NOL4: variants seen among roughly 807,000 people sequenced by gnomAD.
NOL4 encodes the protein nucleolar protein 4.
A neutral mutation model predicts 75.9 loss-of-function variants in NOL4; 17 were observed. The observed-to-expected ratio is 0.22, with a 90% CI of 0.15 to 0.34. NOL4 has a LOEUF of 0.34. Ranked by LOEUF, NOL4 falls within the 10% of genes least tolerant of loss-of-function variation. The pLI is 1.00. For synonymous variants in NOL4, 292 were observed against 289.9 expected (o/e 1.01, Z -0.07); for missense variants, 614 against 793.5 (o/e 0.77, Z 2.72).
At chr18:33,857,843 T>A (rs2062907565) in intron 10 of NOL4, among the ~76,000 whole-genome samples, 1 of 152,128 alleles carries the variant, frequency 6.6e-6, no homozygotes, top group Non-Finnish European at 1.5e-5. Context: ...ACAAACTTTG[T>A]AAATATGTCC....
At chr18:33,910,227 T>C (rs987125556) in intron 9 of NOL4, among the ~76,000 whole-genome samples, 1 of 152,206 alleles carries the variant, frequency 6.6e-6, no homozygotes, top group South Asian at 2.1e-4. Flanking sequence ...TCTTAATTTA[T>C]GGCCCCAAAT....
At chr18:33,967,191 A>G (rs906823084) in intron 6 of NOL4, among the ~76,000 whole-genome samples, 9 of 152,232 alleles carry the variant, frequency 5.9e-5, no homozygotes, top group African/African-American at 1.4e-4. Flanking sequence ...CAACCATCCA[A>G]TCTTCAACAA....
At chr18:33,989,291 AT>A (rs1416186505) in intron 6 of NOL4, among the ~76,000 whole-genome samples, 5 of 151,636 alleles carry the variant, frequency 3.3e-5, no homozygotes, top group Non-Finnish European at 5.9e-5. Context: ...ATACGCTGCC[AT>A]TCACCATTGC....
At chr18:34,063,179 A>C (rs1370869034) in intron 5 of NOL4, among the ~76,000 whole-genome samples, 1 of 152,092 alleles carries the variant, frequency 6.6e-6, no homozygotes, top group Non-Finnish European at 1.5e-5. Flanking sequence ...AACCACAGCT[A>C]TCTCTTGACT....
chr18:33,954,682 A>G (rs1340717549), intron 8 of NOL4, among the ~76,000 whole-genome samples: 3 of 152,068 alleles, frequency 2.0e-5, no homozygotes, highest in Non-Finnish European at 4.4e-5. Context: ...TTATTTATCC[A>G]GGGCAAATAA....
intron 1 of NOL4, among the ~76,000 whole-genome samples, chr18:34,194,022 C>G (rs2035115922): frequency 6.6e-6 from 1 of 151,764 alleles, no homozygotes. Context: ...CTTTATAAAA[C>G]TTGAATAAAC....
chr18:34,222,727 C>G (rs2037408532), intron 1 of NOL4, among the ~76,000 whole-genome samples: 1 of 152,070 alleles, frequency 6.6e-6, no homozygotes, highest in South Asian at 2.1e-4. Context: ...CTCCTGCAGC[C>G]GGTCCGGGAA....
chr18:33,885,970 A>G (rs2064619409), intron 9 of NOL4, among the ~76,000 whole-genome samples: 1 of 152,182 alleles, frequency 6.6e-6, no homozygotes, highest in Admixed American at 6.6e-5. Flanking sequence ...CATATACACA[A>G]TGGAGTGCTA....
intron 6 of NOL4, among the ~76,000 whole-genome samples, chr18:33,991,373 T>C (rs2072903149): frequency 6.6e-6 from 1 of 152,120 alleles, no homozygotes; most frequent in African/African-American, 2.4e-5. Context: ...TGCTTCAAAA[T>C]ATAATGGTAG....
At chr18:34,165,039 A>T (rs1193541648) in intron 1 of NOL4, among the ~76,000 whole-genome samples, 1 of 148,234 alleles carries the variant, frequency 6.7e-6, no homozygotes, top group Non-Finnish European at 1.5e-5. Context: ...GGAATTGAAC[A>T]ATGAGAACAC....
chr18:33,936,308 C>A (rs1202738186), intron 9 of NOL4, among the ~76,000 whole-genome samples: 1 of 151,250 alleles, frequency 6.6e-6, no homozygotes. Context: ...ACAGTGAATT[C>A]ACCACTACTA....
intron 10 of NOL4, 53 bp downstream of exon 10, chr18:33,883,191 A>T: frequency 7.1e-7 from 1 of 1,409,980 alleles, no homozygotes; most frequent in Non-Finnish European, 9.6e-7. Context: ...ATGTACCCTA[A>T]AACTTAAAGT....
At chr18:34,019,659 T>C in intron 5 of NOL4, 58 bp from the exon 6 acceptor site, 1 of 1,479,360 alleles carries the variant, frequency 6.8e-7, no homozygotes. Context: ...CAGAGTCTAC[T>C]TCAACTAGCA....
At chr18:34,120,204 T>C (rs1308511543) in intron 2 of NOL4, among the ~76,000 whole-genome samples, 1 of 152,252 alleles carries the variant, frequency 6.6e-6, no homozygotes, top group South Asian at 2.1e-4. Flanking sequence ...GCAGAAGTGA[T>C]AGGGTAGGTG....
intron 1 of NOL4, among the ~76,000 whole-genome samples, chr18:34,182,438 T>C (rs1255152880): frequency 1.3e-5 from 2 of 151,638 alleles, no homozygotes; most frequent in African/African-American, 2.4e-5. Flanking sequence ...GTGTGAATGA[T>C]TTTTTTCTGG....
At chr18:34,067,914 G>A (rs1450033893) in intron 5 of NOL4, among the ~76,000 whole-genome samples, 1 of 152,110 alleles carries the variant, frequency 6.6e-6, no homozygotes, top group Non-Finnish European at 1.5e-5. Context: ...AGTCATCAGT[G>A]CATAGGCAGT....
At chr18:34,213,308 G>A (rs1411474832) in intron 1 of NOL4, among the ~76,000 whole-genome samples, 1 of 152,012 alleles carries the variant, frequency 6.6e-6, no homozygotes, top group Non-Finnish European at 1.5e-5. Flanking sequence ...TTTTTCTTTT[G>A]AGATGGAGTC....
intron 6 of NOL4, among the ~76,000 whole-genome samples, chr18:33,981,210 G>A (rs2071929537): frequency 6.6e-6 from 1 of 151,012 alleles, no homozygotes; most frequent in Non-Finnish European, 1.5e-5. Flanking sequence ...AGAACTGTGG[G>A]ATAACCACAA....
chr18:34,099,571 C>A (rs2078949420), intron 4 of NOL4, among the ~76,000 whole-genome samples: 1 of 151,930 alleles, frequency 6.6e-6, no homozygotes, highest in Non-Finnish European at 1.5e-5. Flanking sequence ...AAGCATCTCA[C>A]TCTCTACACA....
Sources: allele counts gnomAD v4.1 joint callset (sites outside exome capture counted in the v4.1 genomes callset), GRCh38; gene constraint gnomAD v4.1.1; transcripts MANE v1.5; gene names NCBI Gene and HGNC (gene_info 2026-07-23, HGNC 2026-07-21).